Variants in RBPJ observed in about 807,000 individuals in gnomAD.
RBPJ encodes recombining binding protein suppressor of hairless.
RBPJ carries 9 observed loss-of-function variants against 67.8 expected under a neutral mutation model. That is an observed-to-expected ratio of 0.13 (90% CI 0.08 to 0.23). The LOEUF (loss-of-function observed/expected upper bound fraction) is 0.23, where lower values mean the gene tolerates loss of function less well. Among genes scored for constraint, RBPJ ranks in the 10% least tolerant of loss-of-function variants. The pLI, the probability that RBPJ is intolerant of heterozygous loss-of-function variation, is 1.00. For missense variants in RBPJ, 305 were observed against 595.6 expected, an observed-to-expected ratio of 0.51 and a Z score of 5.08; for synonymous variants, 198 against 203.3, an observed-to-expected ratio of 0.97 and a Z score of 0.22.
At chr4:26,259,607 A>G (rs1417318448) in intron 1 of RBPJ, among the ~76,000 whole-genome samples, 1 of 152,206 alleles carries the variant, frequency 6.6e-6, no homozygotes, top group East Asian at 1.9e-4. Context: ...GCTGTTGTCT[A>G]TAGTCAATCC....
At chr4:26,360,544 C>A (rs1727927582) in intron 1 of RBPJ, among the ~76,000 whole-genome samples, 1 of 150,682 alleles carries the variant, frequency 6.6e-6, no homozygotes. Flanking sequence ...AGGAAGGAGA[C>A]TGTAGTAACT....
At chr4:26,239,838 C>T (rs932394527) in intron 1 of RBPJ, among the ~76,000 whole-genome samples, 2 of 152,096 alleles carry the variant, frequency 1.3e-5, no homozygotes, top group South Asian at 2.1e-4. Flanking sequence ...CAGTGAATTC[C>T]GTTATGCTGT....
the RBPJ span, among the ~76,000 whole-genome samples, chr4:26,151,734 G>A: frequency 2.6e-5 from 4 of 152,332 alleles, no homozygotes; most frequent in South Asian, 2.1e-4. Context: ...TTTTACTATC[G>A]GTTTAGGGTA....
At chr4:26,403,740 AT>A (rs1304894069) in intron 2 of RBPJ, among the ~76,000 whole-genome samples, 1 of 152,022 alleles carries the variant, frequency 6.6e-6, no homozygotes, top group African/African-American at 2.4e-5. Context: ...GCTGCATAAT[AT>A]TCGGTGGTGT....
chr4:26,295,420 T>C (rs1721838860), intron 1 of RBPJ, among the ~76,000 whole-genome samples: 1 of 152,092 alleles, frequency 6.6e-6, no homozygotes, highest in Non-Finnish European at 1.5e-5. Flanking sequence ...GTAGTAGTAG[T>C]AGTGGACATA....
intron 1 of RBPJ, among the ~76,000 whole-genome samples, chr4:26,180,381 G>C (rs911769297): frequency 6.6e-6 from 1 of 151,306 alleles, no homozygotes; most frequent in East Asian, 1.9e-4. Flanking sequence ...GCTTCTCTTT[G>C]TTGGGGCTGT....
At chr4:26,189,916 TC>T (rs1717415538) in intron 1 of RBPJ, among the ~76,000 whole-genome samples, 1 of 152,148 alleles carries the variant, frequency 6.6e-6, no homozygotes, top group African/African-American at 2.4e-5. Context: ...AGAAGACTTT[TC>T]TTAAACACAC....
intron 1 of RBPJ, among the ~76,000 whole-genome samples, chr4:26,328,013 G>T (rs900568544): frequency 2.6e-5 from 4 of 152,002 alleles, no homozygotes; most frequent in African/African-American, 9.7e-5. Context: ...ACTAGCTTTA[G>T]ACTGGTTTGC....
chr4:26,159,347 C>T (rs7699560), upstream of RBPJ, among the ~76,000 whole-genome samples: 73,790 of 151,816 alleles, frequency 0.49, 18,217 homozygotes, highest in Non-Finnish European at 0.55. Context: ...TTTTCCACCA[C>T]CTGGATGCTT....
In RBPJ at chr4:26,430,779, A is replaced by G. The variant is rs1363634126; in HGVS notation, c.1236A>G (p.Pro412=). Residue 412 remains proline, a synonymous_variant, in exon 11 of 11, where the codon CCA becomes CCG. Coordinates refer to ENST00000355476, the MANE Select transcript of RBPJ (RefSeq NM_015874.6). This position sits in a 1 kb window ranked among gnomAD's most constrained non-coding sequence, Gnocchi z 4.1. ...GGGTCCGGCAACCAGTCCAGGTTCC[A>G]GTAACTTTGGTCCGAAATGATGGAA... The part of the protein sequence containing the change: ...WRWVRQPVQV[P]VTLVRNDGII... 3 of 1,614,004 alleles carry G rather than the reference A, an allele frequency of 1.9e-6. No homozygotes were observed. The highest frequency in any genetic ancestry group is 1.3e-5 in the African/African-American group (1 of 74,892).
chr4:26,375,769 G>A (rs1031248439), intron 1 of RBPJ, among the ~76,000 whole-genome samples: 1 of 152,162 alleles, frequency 6.6e-6, no homozygotes, highest in African/African-American at 2.4e-5. Context: ...AAGCAGGCAC[G>A]AAGCCCATCA....
At chr4:26,215,121 A>G (rs1397573186) in intron 1 of RBPJ, among the ~76,000 whole-genome samples, 2 of 131,462 alleles carry the variant, frequency 1.5e-5, no homozygotes, top group Non-Finnish European at 3.2e-5. Flanking sequence ...GAAAGAAAGG[A>G]AAGAGAAACA....
chr4:26,194,871 A>T (rs1717695383), intron 1 of RBPJ, among the ~76,000 whole-genome samples: 1 of 152,158 alleles, frequency 6.6e-6, no homozygotes, highest in African/African-American at 2.4e-5. Flanking sequence ...TCCTAACCAT[A>T]TCTATGTGTG....
chr4:26,345,326 C>T (rs1245620593), intron 1 of RBPJ, among the ~76,000 whole-genome samples: 4 of 152,138 alleles, frequency 2.6e-5, no homozygotes, highest in Non-Finnish European at 5.9e-5. Flanking sequence ...AGTGTTGAGG[C>T]AGTTAAAATT....
At chr4:26,110,838 A>G in the RBPJ span, among the ~76,000 whole-genome samples, 4 of 152,098 alleles carry the variant, frequency 2.6e-5, no homozygotes, top group East Asian at 7.7e-4. This position sits in a 1 kb window ranked among gnomAD's most constrained non-coding sequence, Gnocchi z 4.5. Flanking sequence ...GAGTCAGTGG[A>G]GGGCCGGCAT....
intron 1 of RBPJ, among the ~76,000 whole-genome samples, chr4:26,351,291 T>A (rs1051111799): frequency 1.3e-5 from 2 of 151,988 alleles, no homozygotes; most frequent in Non-Finnish European, 2.9e-5. Flanking sequence ...AATTAGGGAG[T>A]CCTGAAGGCA....
chr4:26,176,442 G>C (rs1191840926), intron 1 of RBPJ, among the ~76,000 whole-genome samples: 1 of 152,170 alleles, frequency 6.6e-6, no homozygotes, highest in African/African-American at 2.4e-5. Context: ...GGAAACTGAG[G>C]CATGCTCTAA....
chr4:26,235,526 C>T (rs1451348720), intron 1 of RBPJ, among the ~76,000 whole-genome samples: 1 of 152,180 alleles, frequency 6.6e-6, no homozygotes, highest in African/African-American at 2.4e-5. Flanking sequence ...CTATTCTTGA[C>T]CATGCTTTAT....
At chr4:26,165,695 A>AT (rs771508735) in intron 1 of RBPJ, among the ~76,000 whole-genome samples, 4 of 136,694 alleles carry the variant, frequency 2.9e-5, no homozygotes, top group East Asian at 4.9e-4. Flanking sequence ...AAAAACATAT[A>AT]TTTTTTCATT....
Sources: gnomAD v4.1 joint callset for allele counts (sites outside exome capture counted in the v4.1 genomes callset) on GRCh38, gnomAD v4.1.1 for gene constraint, Gnocchi (gnomAD v3.1) non-coding constraint, MANE v1.5 for transcripts, NCBI Gene and HGNC (gene_info 2026-07-23, HGNC 2026-07-21) for gene names.